Variants in NR2C2 observed in about 807,000 individuals in gnomAD.
The protein encoded by NR2C2 is Nuclear hormone receptor TR4.
A neutral mutation model predicts 62.9 loss-of-function variants in NR2C2; 6 were observed. The observed-to-expected ratio is 0.10, with a 90% confidence interval of 0.05 to 0.19. The LOEUF (loss-of-function observed/expected upper bound fraction) is 0.19, where lower values mean the gene tolerates loss of function less well. NR2C2 is among the 10% of genes least tolerant of loss of function. The pLI is 1.00. For missense variants in NR2C2, 479 were observed against 762.7 expected, an observed-to-expected ratio of 0.63 and a Z score of 4.38; for synonymous variants, 272 against 273.8, an observed-to-expected ratio of 0.99 and a Z score of 0.07.
At position 15,043,443 on chromosome 3, in the gene NR2C2, A is replaced by G. The variant is rs141197085; in HGVS notation, c.*435A>G. ...TATTAGCACTTTCTAAGCACTTATC[A>G]ATGTGTAACGTTAGCAACATCTTGC... On this transcript the variant is annotated 3_prime_UTR_variant, in exon 14 of 14. Coordinates refer to ENST00000425241, the MANE Select transcript of NR2C2 (RefSeq NM_001291694.2). 6.5e-6 allele frequency: 1 copy of G among 153,128 alleles called. No individual in the cohort carries two copies. Among genetic ancestry groups the G allele is most frequent in the Non-Finnish European group, 1.5e-5 (1 of 68,262 alleles). The allele number at this position is 153,128 out of a possible 1,614,324, so 9.5% of individuals were successfully genotyped here.
intron 11 of NR2C2, among the ~76,000 whole-genome samples, chr3:15,037,006 C>A (rs2042120138): frequency 6.6e-6 from 1 of 151,802 alleles, no homozygotes; most frequent in East Asian, 1.9e-4. Flanking sequence ...CCTGTAATCC[C>A]AGTTACTTGC....
intron 1 of NR2C2, among the ~76,000 whole-genome samples, chr3:14,951,776 C>G (rs1395449902): frequency 6.6e-6 from 1 of 151,708 alleles, no homozygotes; most frequent in South Asian, 2.1e-4. Context: ...TTTTGGGAGT[C>G]TCGCTCTGTC....
Position 15,034,777 on chromosome 3 carries a change from T to C in NR2C2, c.1340T>C (p.Ile447Thr), listed in dbSNP as rs766509549. The part of the protein sequence containing the change: ...VMSLSTILAA[I>T]VNHLQNSIQE... The stretch of plus-strand genomic sequence containing the variant: ...AGTCTCTCCACCATCCTGGCTGCCA[T>C]TGTCAACCACCTGCAGAACAGCATC... Residue 447 changes from isoleucine to threonine, a missense_variant, in exon 11 of 14, where the codon ATT becomes ACT. Ile to Thr is a moderately conservative substitution (Grantham distance 89). Around this residue, in one of 4 missense-constraint regions of NR2C2, gnomAD observed 162 missense variants for 296.8 expected, o/e 0.55. Coordinates refer to ENST00000425241, the MANE Select transcript of NR2C2 (RefSeq NM_001291694.2). 4 of 1,613,798 alleles carry C rather than the reference T, an allele frequency of 2.5e-6. No individual in the cohort carries two copies. Among genetic ancestry groups the C allele is most frequent in the Non-Finnish European group, 3.4e-6 (4 of 1,179,880 alleles).
rs918681710 is a variant in NR2C2, at chr3:15,016,268, G to C, written c.376+14G>C. 10 of 1,592,002 alleles carry C rather than the reference G, an allele frequency of 6.3e-6. No individual in the cohort carries two copies. The highest frequency in any genetic ancestry group is 1.7e-5 in the Admixed American group (1 of 59,824). ...ACAAAGCCTCCGGTATGTAGTTCCAGGTTATGCTGGCACTTATAATGGGCC... is the reference window on the plus strand; with the variant it reads ...ACAAAGCCTCCGGTATGTAGTTCCACGTTATGCTGGCACTTATAATGGGCC... On this transcript the variant is annotated intron_variant, in intron 4 of 13. Transcript: ENST00000425241.
rs144843193 is a variant in NR2C2, at chr3:14,988,575, C to G, written c.-39-15301C>G. Among the ~76,000 whole-genome samples the G allele has an allele frequency of 5.8e-3, 879 of 152,294 alleles. 10 individuals are homozygous for G. Among genetic ancestry groups the G allele is most frequent in the African/African-American group, 0.02 (834 of 41,578 alleles). ...GTTTAGTCTTGGAACTTTTTGCTTC[C>G]TTTATTAATCTTTCCTTTTACACAT... On this transcript the variant is annotated intron_variant, in intron 1 of 13. Coordinates refer to ENST00000425241, the MANE Select transcript of NR2C2 (RefSeq NM_001291694.2).
chr3:15,001,317 GGT>G (rs1491519915), intron 1 of NR2C2, among the ~76,000 whole-genome samples: 13 of 130,606 alleles, frequency 1.0e-4, no homozygotes, highest in African/African-American at 4.3e-4. Context: ...TTTTGTTTTG[GGT>G]TTTTTTTTTT....
chr3:14,966,411 C>T (rs2039859910), intron 1 of NR2C2, among the ~76,000 whole-genome samples: 1 of 152,144 alleles, frequency 6.6e-6, no homozygotes, highest in Admixed American at 6.5e-5. Flanking sequence ...TTTAAATCCT[C>T]GTCTCTATTA....
intron 1 of NR2C2, among the ~76,000 whole-genome samples, chr3:14,999,026 T>A (rs533858075): frequency 4.0e-4 from 60 of 151,612 alleles, no homozygotes; most frequent in African/African-American, 7.0e-4. Context: ...AAAAAAAAAT[T>A]TTTTTTAAGG....
chr3:15,021,258 G>A (rs181874031), intron 5 of NR2C2, among the ~76,000 whole-genome samples: 1 of 152,278 alleles, frequency 6.6e-6, no homozygotes, highest in East Asian at 1.9e-4. Flanking sequence ...TATGATGCCT[G>A]AGGATACACG....
chr3:14,970,164 G>A (rs1195915449), intron 1 of NR2C2, among the ~76,000 whole-genome samples: 1 of 143,168 alleles, frequency 7.0e-6, no homozygotes, highest in Non-Finnish European at 1.5e-5. Context: ...CTCTAAATTT[G>A]ATTTCTTCTG....
chr3:14,983,070 G>A (rs2040418204), intron 1 of NR2C2, among the ~76,000 whole-genome samples: 1 of 152,058 alleles, frequency 6.6e-6, no homozygotes, highest in Non-Finnish European at 1.5e-5. Flanking sequence ...GGGTAAATGG[G>A]ATATCCATTA....
intron 1 of NR2C2, among the ~76,000 whole-genome samples, chr3:14,958,981 T>C (rs569639224): frequency 6.6e-6 from 1 of 152,228 alleles, no homozygotes; most frequent in East Asian, 1.9e-4. Flanking sequence ...TCTCAAAAAA[T>C]ATATATATAT....
At chr3:14,953,156 G>C (rs541247928) in intron 1 of NR2C2, among the ~76,000 whole-genome samples, 3 of 135,122 alleles carry the variant, frequency 2.2e-5, no homozygotes, top group Non-Finnish European at 5.4e-5. Context: ...CTGTAATGAT[G>C]AAAGTCAGCC....
intron 1 of NR2C2, among the ~76,000 whole-genome samples, chr3:14,995,153 C>G (rs915415530): frequency 2.6e-5 from 4 of 151,130 alleles, no homozygotes; most frequent in Non-Finnish European, 4.4e-5. Flanking sequence ...CACACGCCAT[C>G]ACGCCTGGCT....
chr3:14,983,491 A>ACACG (rs1553639704), intron 1 of NR2C2, among the ~76,000 whole-genome samples: 3,822 of 151,600 alleles, frequency 0.025, 42 homozygotes, highest in African/African-American at 0.041. Context: ...ACACACACAC[A>ACACG]CACATTCTTA....
At chr3:15,011,106 G>A (rs900087679) in intron 2 of NR2C2, among the ~76,000 whole-genome samples, 1 of 152,070 alleles carries the variant, frequency 6.6e-6, no homozygotes, top group African/African-American at 2.4e-5. Flanking sequence ...AGGCCAAGGC[G>A]GCAGGATCAC....
At chr3:15,037,030 G>A (rs953112457) in intron 11 of NR2C2, among the ~76,000 whole-genome samples, 1 of 151,772 alleles carries the variant, frequency 6.6e-6, no homozygotes, top group Non-Finnish European at 1.5e-5. Context: ...GCTGAGGTAG[G>A]AAAATCGCTT....
intron 7 of NR2C2, chr3:15,025,867 G>A (rs916560011): frequency 6.6e-6 from 1 of 152,132 alleles, no homozygotes; most frequent in African/African-American, 2.4e-5. Context: ...GGATCTTACA[G>A]TAGCTGCACA....
chr3:14,955,971 A>G (rs2039513575), intron 1 of NR2C2, among the ~76,000 whole-genome samples: 2 of 152,342 alleles, frequency 1.3e-5, no homozygotes, highest in East Asian at 1.9e-4. Flanking sequence ...TCTACCATAT[A>G]CATATCATTG....
Sources: gnomAD v4.1 joint callset for allele counts (sites outside exome capture counted in the v4.1 genomes callset) on GRCh38, gnomAD v4.1.1 for gene constraint, gnomAD v4.1.1 regional missense constraint, MANE v1.5 for transcripts, NCBI Gene and HGNC (gene_info 2026-07-23, HGNC 2026-07-21) for gene names.